The following EPB41L5 variants were observed in gnomAD, a reference collection of about 807,000 sequenced individuals.
EPB41L5 encodes the protein band 4.1-like protein 5.
EPB41L5 carries 55 observed loss-of-function variants against 106.6 expected under a neutral mutation model. That is an observed-to-expected ratio of 0.52 (90% CI 0.42 to 0.65). The LOEUF is 0.65. EPB41L5 is among the 30% of genes least tolerant of loss of function. EPB41L5 has a pLI of 0.00. For synonymous variants in EPB41L5, 297 were observed against 306.7 expected (o/e 0.97, Z 0.33); for missense variants, 871 against 882.1 (o/e 0.99, Z 0.16).
chr2:120,019,504 G>A (rs1357693746), intron 2 of EPB41L5, among the ~76,000 whole-genome samples: 2 of 152,152 alleles, frequency 1.3e-5, no homozygotes, highest in Non-Finnish European at 2.9e-5. Context: ...AAATGACAGG[G>A]CAGTTATTGG....
intron 23 of EPB41L5, 73 bp from the exon 24 acceptor site, chr2:120,167,804 T>G (rs1687482841): frequency 6.4e-7 from 1 of 1,569,224 alleles, no homozygotes; most frequent in African/African-American, 1.4e-5. Context: ...TTAGTGAAGC[T>G]TGATTTGGAG....
intron 16 of EPB41L5, among the ~76,000 whole-genome samples, chr2:120,109,047 A>G (rs545853023): frequency 6.6e-6 from 1 of 152,178 alleles, no homozygotes; most frequent in South Asian, 2.1e-4. Context: ...TTTTTGATTC[A>G]TCTTATTTGT....
At chr2:120,100,442 G>A (rs531387458) in intron 15 of EPB41L5, among the ~76,000 whole-genome samples, 156 bp downstream of exon 15, 5 of 151,976 alleles carry the variant, frequency 3.3e-5, no homozygotes, top group East Asian at 3.9e-4. Context: ...AATAACTTCC[G>A]GTTATTTTAT....
At chr2:120,037,841 A>G (rs1679140197) in intron 2 of EPB41L5, among the ~76,000 whole-genome samples, 1 of 152,246 alleles carries the variant, frequency 6.6e-6, no homozygotes. Context: ...GGATACCCAC[A>G]TGGAAAAGAA....
At chr2:120,016,989 G>A (rs1026254764) in intron 1 of EPB41L5, among the ~76,000 whole-genome samples, 4 of 152,258 alleles carry the variant, frequency 2.6e-5, no homozygotes, top group East Asian at 3.9e-4. Flanking sequence ...ACCTAATTAC[G>A]CAAGAGTATA....
chr2:120,152,499 T>A (rs1686724030), intron 20 of EPB41L5, among the ~76,000 whole-genome samples: 1 of 152,206 alleles, frequency 6.6e-6, no homozygotes, highest in South Asian at 2.1e-4. Flanking sequence ...GCAGTACTTC[T>A]ACCTCAGCCT....
chr2:120,168,109 A>G (rs1269906629), intron 24 of EPB41L5, 102 bp downstream of exon 24: 3 of 1,331,750 alleles, frequency 2.3e-6, no homozygotes, highest in Non-Finnish European at 3.1e-6. Context: ...TTCTTCCCTA[A>G]CTGAACTATA....
chr2:120,131,444 T>C (rs1024366556), intron 17 of EPB41L5, among the ~76,000 whole-genome samples, 174 bp from the exon 18 acceptor site: 1 of 152,222 alleles, frequency 6.6e-6, no homozygotes, highest in African/African-American at 2.4e-5. Context: ...TTCAAATTAA[T>C]GGACAGATAG....
intron 2 of EPB41L5, among the ~76,000 whole-genome samples, chr2:120,023,071 C>A (rs959579790): frequency 6.6e-6 from 1 of 152,022 alleles, no homozygotes; most frequent in South Asian, 2.1e-4. Flanking sequence ...CTTGTAGATT[C>A]TGGATATTAG....
chr2:120,167,575 G>C (rs1191954652), intron 23 of EPB41L5, 68 bp downstream of exon 23: 4 of 1,492,730 alleles, frequency 2.7e-6, no homozygotes, highest in Middle Eastern at 1.7e-4. Flanking sequence ...AGGATTACTA[G>C]GTTCTTTGTT....
chr2:120,081,541 G>A (rs545012027), intron 10 of EPB41L5, among the ~76,000 whole-genome samples: 36 of 152,234 alleles, frequency 2.4e-4, no homozygotes, highest in Admixed American at 4.6e-4. Context: ...GTCAGGTAGC[G>A]TAATGCCTTC....
chr2:120,027,873 TA>T (rs1174560020), intron 2 of EPB41L5, among the ~76,000 whole-genome samples: 1 of 152,142 alleles, frequency 6.6e-6, no homozygotes, highest in Non-Finnish European at 1.5e-5. Flanking sequence ...TTAAATTTTT[TA>T]ATTTTTTTGG....
intron 10 of EPB41L5, among the ~76,000 whole-genome samples, chr2:120,079,028 A>G (rs1187800615): frequency 6.6e-6 from 1 of 152,114 alleles, no homozygotes; most frequent in African/African-American, 2.4e-5. Context: ...AATTACATTT[A>G]TGTTTTACTT....
rs1574811128 is a variant in EPB41L5 at position 120,175,688 on chromosome 2, C to G, written c.*781C>G. The G allele has an allele frequency of 6.6e-6, 1 of 152,228 alleles. No individual in the cohort carries two copies. The highest frequency in any genetic ancestry group is 2.4e-5 in the African/African-American group (1 of 41,518). The allele number at this position is 152,228 out of a possible 1,614,324, so 9.4% of individuals were successfully genotyped here. Reference sequence around the variant, plus strand: ...GGGGTGGGTTACTGTTGAAGAGACCCTGGGGCATTTACCTCAGGCATCTGC... The same window carrying G: ...GGGGTGGGTTACTGTTGAAGAGACCGTGGGGCATTTACCTCAGGCATCTGC... On this transcript the variant is annotated 3_prime_UTR_variant, in exon 25 of 25. Transcript: ENST00000263713.
chr2:120,113,317 T>C (rs538717326), intron 16 of EPB41L5, among the ~76,000 whole-genome samples: 1 of 152,238 alleles, frequency 6.6e-6, no homozygotes, highest in African/African-American at 2.4e-5. Context: ...GTAACATTGC[T>C]TTTCTTAGCT....
chr2:120,159,971 C>G (rs1186243563), intron 20 of EPB41L5, among the ~76,000 whole-genome samples: 1 of 152,122 alleles, frequency 6.6e-6, no homozygotes, highest in Non-Finnish European at 1.5e-5. Flanking sequence ...CAAACTAACA[C>G]AGGAACAGAA....
chr2:120,077,303 T>C lies in EPB41L5; in HGVS notation c.701T>C (p.Met234Thr). 3 of 1,611,602 alleles carry C rather than the reference T, an allele frequency of 1.9e-6. No homozygotes were observed. The highest frequency in any genetic ancestry group is 1.7e-4 in the Middle Eastern group (1 of 6,048). Residue 234 changes from methionine (M) to threonine (T), a missense_variant, in exon 9 of 25, where the codon ATG (methionine) becomes ACG (threonine). Transcript: ENST00000263713. ...TGGCTAGAAATGTATGGGGTTGATA[T>C]GCATGTGGTCAAGGTAAGCATTGTG... is the stretch of plus-strand genomic sequence containing the variant. The part of the protein sequence containing the change: ...AKWLEMYGVD[M>T]HVVKARDGND...
intron 2 of EPB41L5, among the ~76,000 whole-genome samples, chr2:120,025,642 TTTAAATA>T (rs1678257214): frequency 6.6e-6 from 1 of 152,214 alleles, no homozygotes; most frequent in Non-Finnish European, 1.5e-5. Context: ...TAGTTATACT[TTTAAATA>T]CATGAACACC....
chr2:120,148,249 TAATA>T (rs1261284273), intron 20 of EPB41L5, among the ~76,000 whole-genome samples: 1 of 152,094 alleles, frequency 6.6e-6, no homozygotes, highest in Non-Finnish European at 1.5e-5. Context: ...ATTACCACTA[TAATA>T]AATTCTAGAA....
Sources: allele counts gnomAD v4.1 joint callset (sites outside exome capture counted in the v4.1 genomes callset), GRCh38; gene constraint gnomAD v4.1.1; transcripts MANE v1.5; gene names NCBI Gene and HGNC (gene_info 2026-07-23, HGNC 2026-07-21).